Variants in ABCC11 observed in about 807,000 individuals in gnomAD.
The protein encoded by ABCC11 is ATP-binding cassette sub-family C member 11.
Under a neutral mutation model 149.3 loss-of-function variants are expected in ABCC11, and 135 were observed. That is an observed-to-expected ratio of 0.90 (90% CI 0.79 to 1.04). The LOEUF is 1.04. Among genes scored for constraint, ABCC11 ranks in the 50% least tolerant of loss-of-function variants. The pLI, the probability that ABCC11 is intolerant of heterozygous loss-of-function variation, is 0.00. For synonymous variants in ABCC11, 665 were observed against 671.4 expected (o/e 0.99, Z 0.15); for missense variants, 1,680 against 1,722.1 (o/e 0.98, Z 0.43).
intron 28 of ABCC11, 29 bp from the exon 29 acceptor site, chr16:48,167,689 G>A (rs945319895): frequency 1.2e-6 from 2 of 1,612,228 alleles, no homozygotes; most frequent in South Asian, 1.1e-5. Context: ...GGGTGAAGGT[G>A]TCTACTTCAG....
At chr16:48,178,217 T>C (rs1966207916) in intron 24 of ABCC11, among the ~76,000 whole-genome samples, 1 of 152,232 alleles carries the variant, frequency 6.6e-6, no homozygotes, top group African/African-American at 2.4e-5. Context: ...ATGGTAAAGC[T>C]TAGACTTGAA....
intron 28 of ABCC11, among the ~76,000 whole-genome samples, chr16:48,168,123 C>G (rs1016480659): frequency 5.3e-5 from 8 of 152,134 alleles, no homozygotes; most frequent in Admixed American, 4.6e-4. Context: ...GTAACTCACA[C>G]TGAAAGTGTG....
chr16:48,196,353 A>G (rs1276906984), intron 17 of ABCC11, 32 bp from the exon 18 acceptor site: 1 of 1,594,658 alleles, frequency 6.3e-7, no homozygotes, highest in Admixed American at 1.7e-5. Flanking sequence ...GAAAAGTGGT[A>G]TGCCTGCCAA....
In ABCC11 at chr16:48,232,738, C is replaced by G. The variant is rs1970491111; in HGVS notation, c.-18-799G>C. ...AGGGTGCAGCCTGTGCCCCCCAGGG[C>G]CCCACACTCAGAAGGGCCCCAGGCT... On this transcript the variant is annotated intron_variant, in intron 1 of 29. Transcript: ENST00000356608. 2.0e-5 allele frequency among the ~76,000 whole-genome samples: 3 copies of G among 152,322 alleles called. No individual in the cohort carries two copies. In the South Asian group the frequency reaches 6.2e-4, roughly 32 times the overall value.
intron 1 of ABCC11, among the ~76,000 whole-genome samples, chr16:48,244,938 T>C (rs1971273519): frequency 6.6e-6 from 1 of 152,198 alleles, no homozygotes; most frequent in African/African-American, 2.4e-5. Context: ...CCTAGGCCAG[T>C]GCTTTTAACT....
intron 19 of ABCC11, among the ~76,000 whole-genome samples, chr16:48,193,069 G>A (rs991398687): frequency 2.6e-5 from 4 of 152,192 alleles, no homozygotes; most frequent in African/African-American, 9.7e-5. Flanking sequence ...ACAGAAAGGT[G>A]GAAGAGGAGA....
At chr16:48,181,346 G>A (rs1247453349) in intron 23 of ABCC11, among the ~76,000 whole-genome samples, 2 of 152,136 alleles carry the variant, frequency 1.3e-5, no homozygotes, top group African/African-American at 2.4e-5. Context: ...TTACTTAAAC[G>A]CTCTAAGCCC....
At chr16:48,239,836 A>G (rs978768211) in intron 1 of ABCC11, among the ~76,000 whole-genome samples, 3 of 152,198 alleles carry the variant, frequency 2.0e-5, no homozygotes, top group Non-Finnish European at 4.4e-5. Flanking sequence ...AAATTTAAAA[A>G]CAAACAACCC....
chr16:48,168,375 A>T (rs1965473524), intron 28 of ABCC11, among the ~76,000 whole-genome samples: 2 of 152,162 alleles, frequency 1.3e-5, no homozygotes, highest in South Asian at 4.1e-4. Context: ...GAAGAGGGGG[A>T]AAGTCCTACC....
At chr16:48,184,362 C>T (rs2150757652) in intron 23 of ABCC11, 78 bp downstream of exon 23, 1 of 1,513,028 alleles carries the variant, frequency 6.6e-7, no homozygotes, top group East Asian at 2.3e-5. Context: ...CACCTGAGGA[C>T]CCCCTGAGTC....
intron 7 of ABCC11, 91 bp from the exon 8 acceptor site, chr16:48,215,435 C>T (rs1969264080): frequency 7.0e-7 from 1 of 1,423,176 alleles, no homozygotes; most frequent in Non-Finnish European, 9.6e-7. Flanking sequence ...AGTAGGGCAA[C>T]TGGGTGTATT....
At chr16:48,244,894 C>G (rs1052539900) in intron 1 of ABCC11, among the ~76,000 whole-genome samples, 1 of 152,212 alleles carries the variant, frequency 6.6e-6, no homozygotes, top group Admixed American at 6.5e-5. Flanking sequence ...CCTCTTCCCC[C>G]TCTCCGCAAT....
At chr16:48,180,821 G>T (rs890467125) in intron 23 of ABCC11, among the ~76,000 whole-genome samples, 3 of 152,186 alleles carry the variant, frequency 2.0e-5, no homozygotes, top group Admixed American at 6.5e-5. Flanking sequence ...GTGAGAGTGT[G>T]GAAGGTGACT....
intron 1 of ABCC11, among the ~76,000 whole-genome samples, chr16:48,241,708 T>C (rs1199143233): frequency 6.6e-6 from 1 of 152,080 alleles, no homozygotes; most frequent in Non-Finnish European, 1.5e-5. Context: ...TATAGACCAA[T>C]GGAACAGAAC....
At chr16:48,176,621 G>A (rs10163462) in intron 25 of ABCC11, among the ~76,000 whole-genome samples, 30,107 of 152,022 alleles carry the variant, frequency 0.2, 3,360 homozygotes, top group African/African-American at 0.29. Context: ...AGGTATCCAA[G>A]GCCCAGTACC....
chr16:48,215,152 C>T (rs768419970), intron 8 of ABCC11, 45 bp downstream of exon 8: 5 of 1,596,450 alleles, frequency 3.1e-6, no homozygotes, highest in Non-Finnish European at 4.3e-6. Context: ...GCTCGGCTTA[C>T]CATGCCATCA....
Position 48,227,892 on chromosome 16 carries a change from G to A in ABCC11, c.309C>T (p.Leu103=), listed in dbSNP as rs1382294463. Residue 103 remains leucine (L), a synonymous_variant, in exon 4 of 30, where the codon CTC becomes CTT. Coordinates refer to ENST00000356608, the MANE Select transcript of ABCC11 (RefSeq NM_001370497.1). ...AGCGACTCCGTAAGCTTTGGATCAT[G>A]AGCGGGGTGAGCCATGACACGGTGA... The part of the protein sequence containing the change: ...SYLTVSWLTP[L]MIQSLRSRLD... 20 of 1,614,032 alleles carry A rather than the reference G, an allele frequency of 1.2e-5. No individual in the cohort carries two copies. The highest frequency in any genetic ancestry group is 1.5e-5 in the Non-Finnish European group (18 of 1,180,012).
intron 20 of ABCC11, among the ~76,000 whole-genome samples, chr16:48,192,282 A>G (rs1966992195): frequency 6.6e-6 from 1 of 152,240 alleles, no homozygotes; most frequent in Non-Finnish European, 1.5e-5. Flanking sequence ...AGTCTCTACA[A>G]AAAATACAAA....
At chr16:48,225,658 A>C (rs1970026612) in intron 4 of ABCC11, among the ~76,000 whole-genome samples, 1 of 152,188 alleles carries the variant, frequency 6.6e-6, no homozygotes, top group Non-Finnish European at 1.5e-5. Context: ...TCACATCAGG[A>C]ACCACATGAT....
Sources: gnomAD v4.1 joint callset for allele counts (sites outside exome capture counted in the v4.1 genomes callset) on GRCh38, gnomAD v4.1.1 for gene constraint, MANE v1.5 for transcripts, NCBI Gene and HGNC (gene_info 2026-07-23, HGNC 2026-07-21) for gene names.